Variants in SEMA3A observed in about 807,000 individuals in gnomAD.
SEMA3A encodes the protein semaphorin-3A.
Under a neutral mutation model 97.9 loss-of-function variants are expected in SEMA3A, and 29 were observed. The ratio of observed to expected loss-of-function variants is 0.30; its 90% CI spans 0.22 to 0.40. SEMA3A has a LOEUF of 0.40. Ranked by LOEUF, SEMA3A falls within the 10% of genes least tolerant of loss-of-function variation. The pLI is 1.00. For synonymous variants in SEMA3A, 321 were observed against 323.7 expected, an observed-to-expected ratio of 0.99 and a Z score of 0.09; for missense variants, 763 against 951.3, an observed-to-expected ratio of 0.80 and a Z score of 2.60.
chr7:83,992,732 C>A (rs1323430002), intron 12 of SEMA3A, among the ~76,000 whole-genome samples: 1 of 151,992 alleles, frequency 6.6e-6, no homozygotes, highest in Non-Finnish European at 1.5e-5. Context: ...GAGAGCTTCC[C>A]TTCCAAGTAT....
intron 4 of SEMA3A, among the ~76,000 whole-genome samples, chr7:84,070,628 A>G (rs1209007449): frequency 6.6e-6 from 1 of 152,142 alleles, no homozygotes; most frequent in Non-Finnish European, 1.5e-5. Context: ...GTATTGAAAG[A>G]ATGTATGTTA....
At chr7:84,077,726 C>A (rs1794002731) in intron 4 of SEMA3A, among the ~76,000 whole-genome samples, 2 of 151,866 alleles carry the variant, frequency 1.3e-5, no homozygotes, top group African/African-American at 4.8e-5. Flanking sequence ...TCTGTCAATT[C>A]TTAGCGATAA....
At chr7:84,277,109 C>G (rs540648979) in intron 3 of SEMA3A, among the ~76,000 whole-genome samples, 1 of 152,178 alleles carries the variant, frequency 6.6e-6, no homozygotes, top group Admixed American at 6.5e-5. Context: ...AAATGGCATC[C>G]CTCTCATGTC....
At chr7:84,442,595 A>G (rs574119150) in intron 1 of SEMA3A, among the ~76,000 whole-genome samples, 2 of 152,116 alleles carry the variant, frequency 1.3e-5, no homozygotes, top group Non-Finnish European at 2.9e-5. Context: ...AAATAGTAAA[A>G]TAGCAGAAAT....
At chr7:84,357,858 GT>G (rs1339933901) in intron 2 of SEMA3A, among the ~76,000 whole-genome samples, 1 of 151,882 alleles carries the variant, frequency 6.6e-6, no homozygotes, top group African/African-American at 2.4e-5. Flanking sequence ...TCTCATTGTG[GT>G]TTTGATTTGC....
At chr7:84,059,897 A>T (rs1336562535) in intron 5 of SEMA3A, among the ~76,000 whole-genome samples, 1 of 152,114 alleles carries the variant, frequency 6.6e-6, no homozygotes, top group Non-Finnish European at 1.5e-5. Flanking sequence ...AGTCTGGAAA[A>T]AATTCTTTAT....
At chr7:84,019,355 A>G (rs1417186310) in intron 6 of SEMA3A, among the ~76,000 whole-genome samples, 1 of 151,646 alleles carries the variant, frequency 6.6e-6, no homozygotes, top group Non-Finnish European at 1.5e-5. Context: ...AAACTGAGCC[A>G]GTGGAGTGAT....
At chr7:84,102,107 T>G (rs1298490007) in intron 4 of SEMA3A, among the ~76,000 whole-genome samples, 1 of 152,160 alleles carries the variant, frequency 6.6e-6, no homozygotes, top group Non-Finnish European at 1.5e-5. Context: ...ACCCTAACTT[T>G]GATAGACTCT....
At chr7:84,115,993 A>G (rs1239576395) in intron 3 of SEMA3A, among the ~76,000 whole-genome samples, 1 of 152,198 alleles carries the variant, frequency 6.6e-6, no homozygotes, top group African/African-American at 2.4e-5. Flanking sequence ...AACAGAAATC[A>G]TTACACATAA....
intron 14 of SEMA3A, among the ~76,000 whole-genome samples, chr7:83,980,623 A>AAAAAAAAAAAAAATATATATAT (rs1310318006): frequency 2.8e-5 from 2 of 71,756 alleles, no homozygotes; most frequent in Admixed American, 3.2e-4. Flanking sequence ...AAAAAAAAAA[A>AAAAAAAAAAAAAATATATATAT]ATATATATAT....
intron 1 of SEMA3A, among the ~76,000 whole-genome samples, chr7:84,427,925 T>A (rs2116311082): frequency 6.6e-6 from 1 of 152,232 alleles, no homozygotes; most frequent in Non-Finnish European, 1.5e-5. Context: ...AGCATTGATA[T>A]AGTAGGTCTA....
intron 1 of SEMA3A, among the ~76,000 whole-genome samples, chr7:84,457,891 G>A (rs1584339373): frequency 6.6e-6 from 1 of 152,080 alleles, no homozygotes; most frequent in East Asian, 1.9e-4. Flanking sequence ...ATTAACTGAT[G>A]TATGGGAAAT....
At chr7:84,469,314 C>T (rs932550386) in intron 1 of SEMA3A, among the ~76,000 whole-genome samples, 8 of 152,116 alleles carry the variant, frequency 5.3e-5, no homozygotes, top group Admixed American at 2.6e-4. Context: ...TGGACCTTCA[C>T]CTTCCAGTGA....
intron 15 of SEMA3A, among the ~76,000 whole-genome samples, chr7:83,976,840 G>A (rs567500875): frequency 6.3e-4 from 96 of 152,100 alleles, no homozygotes; most frequent in Admixed American, 1.8e-3. Flanking sequence ...TATACAAAAT[G>A]AAGTACTTAA....
intron 3 of SEMA3A, among the ~76,000 whole-genome samples, chr7:84,206,546 TCTC>T (rs1240996657): frequency 2.0e-5 from 3 of 152,084 alleles, no homozygotes; most frequent in African/African-American, 7.2e-5. Flanking sequence ...ATGGTTGCGA[TCTC>T]CTGACCTCGT....
At chr7:84,057,379 T>C (rs1030014733) in intron 5 of SEMA3A, among the ~76,000 whole-genome samples, 1 of 146,922 alleles carries the variant, frequency 6.8e-6, no homozygotes, top group Non-Finnish European at 1.5e-5. Context: ...ATCTGGCATT[T>C]ATTATTAGCA....
At chr7:84,272,354 G>A (rs1034153533) in intron 3 of SEMA3A, among the ~76,000 whole-genome samples, 3 of 151,776 alleles carry the variant, frequency 2.0e-5, no homozygotes, top group African/African-American at 7.3e-5. Flanking sequence ...CTCTCTAATA[G>A]GTTATTAACC....
At chr7:84,463,455 A>G (rs1015326259) in intron 1 of SEMA3A, among the ~76,000 whole-genome samples, 17 of 151,882 alleles carry the variant, frequency 1.1e-4, no homozygotes, top group Admixed American at 2.6e-4. Context: ...TCACCGTGTT[A>G]GCCAGGATAG....
intron 1 of SEMA3A, among the ~76,000 whole-genome samples, chr7:84,431,139 C>A (rs1264892332): frequency 1.3e-5 from 2 of 152,004 alleles, no homozygotes; most frequent in Admixed American, 6.6e-5. Context: ...CTATGTGCAG[C>A]TATTTAGAGA....
Sources: allele counts gnomAD v4.1 joint callset (sites outside exome capture counted in the v4.1 genomes callset), GRCh38; gene constraint gnomAD v4.1.1; transcripts MANE v1.5; gene names NCBI Gene and HGNC (gene_info 2026-07-23, HGNC 2026-07-21).